Variants in HDC observed in about 807,000 individuals in gnomAD.
HDC encodes histidine decarboxylase.
In HDC, 27 loss-of-function variants were observed where a neutral mutation model predicts 64.4. That is an observed-to-expected ratio of 0.42 (90% CI 0.31 to 0.58). The LOEUF (loss-of-function observed/expected upper bound fraction) is 0.58. Ranked by LOEUF, HDC falls within the 20% of genes least tolerant of loss-of-function variation. HDC has a pLI of 0.16. For synonymous variants in HDC, 305 were observed against 314.2 expected, an observed-to-expected ratio of 0.97 and a Z score of 0.31; for missense variants, 711 against 833.9, an observed-to-expected ratio of 0.85 and a Z score of 1.81.
At chr15:50,261,230 CACCG>C (rs1486729212) in intron 2 of HDC, among the ~76,000 whole-genome samples, 1 of 152,218 alleles carries the variant, frequency 6.6e-6, no homozygotes, top group Non-Finnish European at 1.5e-5. Context: ...AAATGAGCCT[CACCG>C]ACCATACCCA....
At chr15:50,252,336 G>T in intron 9 of HDC, 94 bp downstream of exon 9, 1 of 925,060 alleles carries the variant, frequency 1.1e-6, no homozygotes, top group Non-Finnish European at 1.8e-6. Context: ...GCTGCCTTCT[G>T]AAGGGAGCCA....
rs138934117 is a variant in HDC, at chr15:50,258,423, T to G, written c.299A>C (p.Asn100Thr). 3.1e-6 allele frequency: 5 copies of G among 1,611,438 alleles called. No individual in the cohort carries two copies. In the South Asian group the frequency reaches 5.5e-5, roughly 18 times the overall value. ...LLGDMLADAI[N>T]CLGFTWASSP... ...ACTCACCCAGGTGAATCCCAAGCAG[T>G]TGATGGCATCAGCCAGCATGTCTCC... The change falls in exon 3 of 12, where the codon AAC becomes ACC. Residue 100 changes from asparagine (N) to threonine (T), a missense_variant. Asn to Thr is a moderately conservative substitution (Grantham distance 65). Coordinates refer to ENST00000267845, the MANE Select transcript of HDC (RefSeq NM_002112.4).
intron 9 of HDC, among the ~76,000 whole-genome samples, chr15:50,249,050 C>T (rs1353228765): frequency 6.6e-6 from 1 of 152,200 alleles, no homozygotes; most frequent in East Asian, 1.9e-4. Context: ...CTTACACTGC[C>T]TTGTTCATTT....
chr15:50,248,118 C>G lies in HDC; in HGVS notation c.1140+127G>C. On this transcript the variant is annotated intron_variant, in intron 10 of 11. Transcript: ENST00000267845. This position sits in a 1 kb window ranked among gnomAD's most constrained non-coding sequence, Gnocchi z 4.3. Reference sequence around the variant, plus strand: ...GAATCAAGTCCCAGGAGCTGAGGAACAGGCCCAGACACCTGAACCACACAC... The same window carrying G: ...GAATCAAGTCCCAGGAGCTGAGGAAGAGGCCCAGACACCTGAACCACACAC... 1 of 714,076 alleles carries G rather than the reference C, an allele frequency of 1.4e-6. No homozygotes were observed. The highest frequency in any genetic ancestry group is 1.7e-5 in the African/African-American group (1 of 57,338). The allele number at this position is 714,076 out of a possible 1,614,324, so 44.2% of individuals were successfully genotyped here. A position where few individuals can be genotyped will look rare whatever the true frequency, so the allele number is the denominator to read the frequency against.
At chr15:50,252,581 T>C (rs1318620649) in intron 8 of HDC, 31 bp downstream of exon 8, 2 of 1,614,046 alleles carry the variant, frequency 1.2e-6, no homozygotes, top group Admixed American at 1.7e-5. Flanking sequence ...AAGGCGTTCC[T>C]GCGTGCTCGG....
chr15:50,245,621 G>A (rs934315352), intron 10 of HDC, among the ~76,000 whole-genome samples: 1 of 152,182 alleles, frequency 6.6e-6, no homozygotes, highest in African/African-American at 2.4e-5. Flanking sequence ...ATGGCCAGGG[G>A]TGGTGGCTCA....
chr15:50,253,985 G>A, intron 6 of HDC, 145 bp downstream of exon 6: 2 of 842,382 alleles, frequency 2.4e-6, no homozygotes, highest in South Asian at 1.4e-5. Flanking sequence ...CACACCTATG[G>A]ATAGCACCTC....
intron 2 of HDC, 133 bp downstream of exon 2, chr15:50,263,102 G>A: frequency 1.2e-6 from 1 of 867,854 alleles, no homozygotes. Context: ...AGATGGGCTG[G>A]GGTGTTGGTG....
intron 10 of HDC, 74 bp from the exon 11 acceptor site, chr15:50,243,318 A>AT (rs2045429432): frequency 1.0e-6 from 1 of 1,003,848 alleles, no homozygotes; most frequent in African/African-American, 1.6e-5. Context: ...TCAGACTGCT[A>AT]AATGGTTTTA....
intron 4 of HDC, among the ~76,000 whole-genome samples, chr15:50,255,699 C>A (rs970394320): frequency 1.3e-5 from 2 of 152,072 alleles, no homozygotes; most frequent in Non-Finnish European, 2.9e-5. Context: ...ACGTGGGAGG[C>A]TGAGGTTGGA....
chr15:50,260,065 G>A (rs548770593), intron 2 of HDC, among the ~76,000 whole-genome samples: 1 of 150,740 alleles, frequency 6.6e-6, no homozygotes, highest in Non-Finnish European at 1.5e-5. Context: ...ACTGTCACCA[G>A]GGCTGGAGTG....
At position 50,265,655 on chromosome 15, in the gene HDC, G is replaced by A. The variant is rs374961199; in HGVS notation, c.-32C>T. The A allele has an allele frequency of 1.1e-5, 17 of 1,612,126 alleles. No individual in the cohort carries two copies. The highest frequency in any genetic ancestry group is 1.3e-5 in the Non-Finnish European group (15 of 1,178,268). On this transcript the variant is annotated 5_prime_UTR_variant, in exon 1 of 12. Transcript: ENST00000267845. The stretch of plus-strand genomic sequence containing the variant: ...TGGGCTCTGGCTCCTTCTCACAGAT[G>A]GACACGCAGGAGGTGGAAGGCGTGA...
In HDC at chr15:50,252,741, G is replaced by A; in HGVS notation, c.821C>T (p.Ala274Val). 1 of 1,614,012 alleles carries A rather than the reference G, an allele frequency of 6.2e-7. No homozygotes were observed. The highest frequency in any genetic ancestry group is 8.5e-7 in the Non-Finnish European group (1 of 1,179,984). The part of the protein sequence containing the change: ...AREGLWLHID[A>V]AYAGTAFLCP... ...CAGGAAGGCAGTGCCTGCATAAGCA[G>A]CATCGATGTGGAGCCACAGCCCCTC... The change falls in exon 8 of 12, where the codon GCT becomes GTT. Residue 274 changes from alanine (A) to valine (V), a missense_variant. Ala to Val is a moderately conservative substitution (Grantham distance 64, BLOSUM62 0). This residue lies in a region of HDC where 483 missense variants were observed against 540.9 expected (regional missense o/e 0.89). Coordinates refer to ENST00000267845, the MANE Select transcript of HDC (RefSeq NM_002112.4).
At chr15:50,247,373 T>G (rs2045495537) in intron 10 of HDC, among the ~76,000 whole-genome samples, 1 of 152,212 alleles carries the variant, frequency 6.6e-6, no homozygotes, top group Non-Finnish European at 1.5e-5. Context: ...ACGTAATTAT[T>G]ATGTAAGCAT....
intron 2 of HDC, among the ~76,000 whole-genome samples, chr15:50,259,734 G>A (rs141918360): frequency 9.3e-4 from 142 of 152,190 alleles, no homozygotes; most frequent in Non-Finnish European, 1.6e-3. Context: ...TTCCCTGAGC[G>A]ATAGAACTCT....
intron 2 of HDC, 92 bp downstream of exon 2, chr15:50,263,143 C>G: frequency 7.4e-7 from 1 of 1,355,170 alleles, no homozygotes; most frequent in Non-Finnish European, 1.1e-6. Context: ...ATTCTCATCC[C>G]AAGCTGACCC....
At chr15:50,260,887 G>A (rs1476390577) in intron 2 of HDC, among the ~76,000 whole-genome samples, 1 of 152,116 alleles carries the variant, frequency 6.6e-6, no homozygotes, top group African/African-American at 2.4e-5. Context: ...ACCAGGGTTG[G>A]AATTAAAGGG....
chr15:50,244,852 G>C (rs949639970), intron 10 of HDC: 12 of 151,928 alleles, frequency 7.9e-5, no homozygotes, highest in African/African-American at 2.9e-4. Flanking sequence ...CTCCCACCTG[G>C]GCTATGGTGG....
intron 3 of HDC, 34 bp from the exon 4 acceptor site, chr15:50,257,581 C>G (rs757961925): frequency 1.2e-6 from 2 of 1,612,832 alleles, no homozygotes; most frequent in Admixed American, 1.7e-5. Flanking sequence ...AACTGCACAG[C>G]CCCAGGGCAC....
Sources: allele counts gnomAD v4.1 joint callset (sites outside exome capture counted in the v4.1 genomes callset), GRCh38; gene constraint gnomAD v4.1.1; regional missense constraint gnomAD v4.1.1; non-coding constraint Gnocchi (gnomAD v3.1); transcripts MANE v1.5; gene names NCBI Gene and HGNC (gene_info 2026-07-23, HGNC 2026-07-21).